The following DLEC1 variants were observed in gnomAD, a reference collection of about 807,000 sequenced individuals.
The protein encoded by DLEC1 is DLEC1 cilia and flagella associated protein.
Under a neutral mutation model 198.1 loss-of-function variants are expected in DLEC1, and 146 were observed. The observed-to-expected ratio is 0.74, with a 90% CI of 0.64 to 0.85. The LOEUF is 0.85. Ranked by LOEUF, DLEC1 falls within the 40% of genes least tolerant of loss-of-function variation. The probability of loss-of-function intolerance (pLI) is 0.00; values close to 1 mark genes in which losing one functional copy is unlikely to be tolerated. For synonymous variants in DLEC1, 897 were observed against 866.8 expected, an observed-to-expected ratio of 1.03 and a Z score of -0.61; for missense variants, 2,233 against 2,220.0, an observed-to-expected ratio of 1.01 and a Z score of -0.12.
intron 26 of DLEC1, 94 bp downstream of exon 26, chr3:38,114,554 C>T (rs1700052521): frequency 7.7e-7 from 1 of 1,306,276 alleles, no homozygotes; most frequent in Non-Finnish European, 1.1e-6. Context: ...TGTTATTCTC[C>T]AGCTGGCCTA....
At chr3:38,076,708 C>T (rs1406312945) in intron 6 of DLEC1, among the ~76,000 whole-genome samples, 1 of 152,198 alleles carries the variant, frequency 6.6e-6, no homozygotes, top group Admixed American at 6.5e-5. Context: ...ACAGGGGATG[C>T]AATGTCTTGG....
At chr3:38,069,322 C>T (rs1697192511) in intron 6 of DLEC1, among the ~76,000 whole-genome samples, 1 of 152,142 alleles carries the variant, frequency 6.6e-6, no homozygotes, top group Non-Finnish European at 1.5e-5. Context: ...GAGCTATTCC[C>T]TATTTTATGA....
chr3:38,063,058 A>G (rs1177393767), intron 5 of DLEC1, among the ~76,000 whole-genome samples: 1 of 152,180 alleles, frequency 6.6e-6, no homozygotes, highest in Non-Finnish European at 1.5e-5. Flanking sequence ...ACATTGGAGC[A>G]ATCTGGGTCA....
intron 19 of DLEC1, among the ~76,000 whole-genome samples, chr3:38,101,262 C>G (rs1285133509): frequency 6.6e-6 from 1 of 152,156 alleles, no homozygotes; most frequent in Non-Finnish European, 1.5e-5. Context: ...TCGAGATCAG[C>G]CTGGCAACAT....
intron 1 of DLEC1, among the ~76,000 whole-genome samples, chr3:38,041,236 T>A (rs1188127409): frequency 2.0e-5 from 3 of 152,058 alleles, no homozygotes; most frequent in Non-Finnish European, 4.4e-5. Context: ...TCTCCTGACC[T>A]CGTGATCTGC....
At chr3:38,052,751 T>C (rs1249215218) in intron 2 of DLEC1, among the ~76,000 whole-genome samples, 2 of 133,046 alleles carry the variant, frequency 1.5e-5, no homozygotes, top group African/African-American at 5.9e-5. Flanking sequence ...TTACAAGGGT[T>C]TGAAGTCCCT....
rs556376182 is a variant in DLEC1, at chr3:38,097,345, A to G, written c.2434+70A>G. The G allele has an allele frequency of 3.2e-5, 49 of 1,544,644 alleles. No homozygotes were observed. The South Asian group carries it at 5.6e-4, about 18-fold the overall frequency. ...GCTCAGGAAGAAATCTTCAGAGTTA[A>G]AGGGGCTTATGCAGGGCTCTTGGTG... is the stretch of plus-strand genomic sequence containing the variant. On this transcript the variant is annotated intron_variant, in intron 16 of 36. Coordinates refer to ENST00000308059, the MANE Select transcript of DLEC1 (RefSeq NM_007335.4).
In DLEC1 at chr3:38,105,890, T is replaced by C. The variant is rs114190103; in HGVS notation, c.2865-1694T>C. ...CATTATTGCCTTCTTCTTTGTTAGA[T>C]AGGTAGTTTCTAGTATGCCATTTTA... On this transcript the variant is annotated intron_variant, in intron 19 of 36. Transcript: ENST00000308059. Among the ~76,000 whole-genome samples, 863 of 152,330 alleles carry C rather than the reference T, an allele frequency of 5.7e-3. 9 individuals are homozygous for C. Among genetic ancestry groups the C allele is most frequent in the African/African-American group, 0.02 (830 of 41,582 alleles).
At position 38,062,749 on chromosome 3, in the gene DLEC1, C is replaced by T. The variant is rs774919408; in HGVS notation, c.1042C>T (p.Pro348Ser). The T allele has an allele frequency of 6.2e-7, 1 of 1,614,058 alleles. No homozygotes were observed. Among genetic ancestry groups the T allele is most frequent in the South Asian group, 1.1e-5 (1 of 91,086 alleles). Residue 348 changes from proline to serine, a missense_variant, in exon 5 of 37, where the codon CCA (proline) becomes TCA (serine). Physicochemically the swap from Pro to Ser is moderately conservative, Grantham distance 74. Transcript: ENST00000308059. ...RYGGKSLVFP[P>S]KKPAPIGEFQ... The stretch of plus-strand genomic sequence containing the variant: ...TGGAGGCAAGTCTCTTGTTTTTCCT[C>T]CAAAGAAGCCAGCACCGATAGGAGA...
chr3:38,115,150 A>G (rs1700087833), intron 27 of DLEC1, 97 bp downstream of exon 27: 2 of 1,381,874 alleles, frequency 1.4e-6, no homozygotes, highest in South Asian at 2.5e-5. Flanking sequence ...CCGATGGCCC[A>G]TGAACAGGAC....
chr3:38,088,609 C>A (rs1246547578), intron 10 of DLEC1, among the ~76,000 whole-genome samples: 4 of 152,170 alleles, frequency 2.6e-5, no homozygotes, highest in African/African-American at 9.7e-5. Context: ...CATCACATCA[C>A]AAACCTGAGC....
intron 1 of DLEC1, among the ~76,000 whole-genome samples, chr3:38,041,183 T>C (rs186058096): frequency 2.3e-4 from 35 of 152,230 alleles, no homozygotes; most frequent in Admixed American, 2.1e-3. Context: ...TTTGTATTTT[T>C]AGTAGAGACA....
chr3:38,095,731 G>T, intron 13 of DLEC1, 157 bp from the exon 14 acceptor site: 1 of 820,820 alleles, frequency 1.2e-6, no homozygotes, highest in South Asian at 1.7e-5. Context: ...TTTTCCTAAG[G>T]AGGGGAGGAG....
chr3:38,082,174 G>A lies in DLEC1; in HGVS notation c.1174-1984G>A, dbSNP rs868083205. Among the ~76,000 whole-genome samples the A allele has an allele frequency of 6.0e-4, 87 of 145,912 alleles. 1 individual carries two copies. The Middle Eastern group carries it at 0.021, about 35-fold the overall frequency. ...TCCCAGATGGGGCGGCGGGGCAGAGGCGCTCCCCACATCTCAGACGATGGG... is the reference window on the plus strand; with the variant it reads ...TCCCAGATGGGGCGGCGGGGCAGAGACGCTCCCCACATCTCAGACGATGGG... On this transcript the variant is annotated intron_variant, in intron 6 of 36. Coordinates refer to ENST00000308059, the MANE Select transcript of DLEC1 (RefSeq NM_007335.4).
chr3:38,088,208 A>G, intron 9 of DLEC1, 88 bp from the exon 10 acceptor site: 1 of 1,190,066 alleles, frequency 8.4e-7, no homozygotes, highest in Non-Finnish European at 1.2e-6. Context: ...ACATTGCAAA[A>G]TGGATGTTTG....
intron 6 of DLEC1, among the ~76,000 whole-genome samples, chr3:38,077,179 C>T (rs9856117): frequency 0.35 from 53,593 of 151,810 alleles, 9,900 homozygotes; most frequent in East Asian, 0.55. Context: ...GGGGATAGCA[C>T]GAGGAGATAT....
intron 6 of DLEC1, among the ~76,000 whole-genome samples, chr3:38,077,454 A>G (rs184545377): frequency 1.6e-4 from 25 of 152,336 alleles, no homozygotes; most frequent in African/African-American, 5.8e-4. Context: ...AGTATTGTCC[A>G]GTCCTTTTTA....
chr3:38,097,687 G>A, intron 17 of DLEC1, 50 bp downstream of exon 17: 1 of 1,613,788 alleles, frequency 6.2e-7, no homozygotes, highest in Non-Finnish European at 8.5e-7. Context: ...AGGTGGCAGG[G>A]CTGGGACACT....
intron 2 of DLEC1, among the ~76,000 whole-genome samples, chr3:38,053,406 C>T (rs1469820883): frequency 1.3e-5 from 2 of 151,622 alleles, no homozygotes; most frequent in Admixed American, 6.6e-5. Flanking sequence ...CCCGCCGCTC[C>T]GTCTGGGATG....
Sources: allele counts gnomAD v4.1 joint callset (sites outside exome capture counted in the v4.1 genomes callset), GRCh38; gene constraint gnomAD v4.1.1; transcripts MANE v1.5; gene names NCBI Gene and HGNC (gene_info 2026-07-23, HGNC 2026-07-21).